Variants in PARP4 observed in about 807,000 individuals in gnomAD.
PARP4 encodes protein mono-ADP-ribosyltransferase PARP4.
In PARP4, 120 loss-of-function variants were observed where a neutral mutation model predicts 187.7. The ratio of observed to expected loss-of-function variants is 0.64; its 90% CI spans 0.55 to 0.74. PARP4 has a LOEUF of 0.74. Ranked by LOEUF, PARP4 falls within the 30% of genes least tolerant of loss-of-function variation. The pLI, the probability that PARP4 is intolerant of heterozygous loss-of-function variation, is 0.00. For missense variants in PARP4, 1,836 were observed against 2,070.5 expected (o/e 0.89, Z 2.20); for synonymous variants, 654 against 740.9 (o/e 0.88, Z 1.90).
rs542362054 is a variant in PARP4 at position 24,492,526 on chromosome 13, T to C, written c.948A>G (p.Gln316=). The C allele has an allele frequency of 1.7e-5, 27 of 1,613,872 alleles. No homozygotes were observed. Among genetic ancestry groups the C allele is most frequent in the Middle Eastern group, 1.6e-4 (1 of 6,062 alleles). Residue 316 remains glutamine, a synonymous_variant, in exon 9 of 34, where the codon CAA becomes CAG. Transcript: ENST00000381989. ...AALKNGETAE[Q]LQKMMTEFYR... is the part of the protein sequence containing the mutation. ...AAAACTCTGTCATCATCTTTTGCAATTGCTCTGCTGTTTCTCCATTTTTCA... is the reference window on the plus strand; with the variant it reads ...AAAACTCTGTCATCATCTTTTGCAACTGCTCTGCTGTTTCTCCATTTTTCA...
chr13:24,430,236 C>G (rs1870266205), intron 32 of PARP4, among the ~76,000 whole-genome samples: 1 of 152,124 alleles, frequency 6.6e-6, no homozygotes, highest in Non-Finnish European at 1.5e-5. Context: ...ATTTGCCCAC[C>G]CACCCAGCCT....
At chr13:24,446,145 T>C (rs1480498268) in intron 27 of PARP4, among the ~76,000 whole-genome samples, 3 of 152,228 alleles carry the variant, frequency 2.0e-5, no homozygotes, top group Non-Finnish European at 4.4e-5. Flanking sequence ...AGTAGGCCAG[T>C]GGCATGTACC....
At chr13:24,510,477 C>G (rs987387451) in intron 1 of PARP4, among the ~76,000 whole-genome samples, 1 of 142,496 alleles carries the variant, frequency 7.0e-6, no homozygotes, top group Non-Finnish European at 1.5e-5. Context: ...TGGCGTGAAC[C>G]CGGGAGGCGG....
At chr13:24,489,848 G>C (rs1593643090) in intron 10 of PARP4, among the ~76,000 whole-genome samples, 2 of 152,140 alleles carry the variant, frequency 1.3e-5, no homozygotes, top group African/African-American at 4.8e-5. Context: ...AGCATTTGCT[G>C]ATTTCCATGG....
chr13:24,465,845 C>A lies in PARP4; in HGVS notation c.2133+3179G>T, dbSNP rs77676941. ...ATAATATATGAAGAAATAAAACACA[C>A]GACAACAATATCACAAAGGATATGG... On this transcript the variant is annotated intron_variant, in intron 17 of 33. Coordinates refer to ENST00000381989, the MANE Select transcript of PARP4 (RefSeq NM_006437.4). 9.4e-4 allele frequency among the ~76,000 whole-genome samples: 143 copies of A among 151,698 alleles called. 1 individual carries two copies. Among genetic ancestry groups the A allele is most frequent in the African/African-American group, 3.4e-3 (142 of 41,378 alleles).
chr13:24,425,909 C>T (rs1162219484), intron 33 of PARP4, among the ~76,000 whole-genome samples: 4 of 152,028 alleles, frequency 2.6e-5, no homozygotes, highest in South Asian at 4.2e-4. Flanking sequence ...TGCAGGCAAA[C>T]CCTCTTAGGG....
intron 30 of PARP4, among the ~76,000 whole-genome samples, chr13:24,436,842 G>C (rs1013135313): frequency 6.6e-6 from 1 of 152,094 alleles, no homozygotes; most frequent in Admixed American, 6.6e-5. Context: ...TTTAAAAAAG[G>C]AGTAGTCCTT....
In PARP4 at chr13:24,452,602, A is replaced by G. The variant is rs750330972; in HGVS notation, c.2827-9T>C. 6.2e-7 allele frequency: 1 copy of G among 1,605,242 alleles called. No individual in the cohort carries two copies. Among genetic ancestry groups the G allele is most frequent in the Non-Finnish European group, 8.5e-7 (1 of 1,174,814 alleles). On this transcript the variant is annotated splice_polypyrimidine_tract_variant and intron_variant, in intron 23 of 33. Coordinates refer to ENST00000381989, the MANE Select transcript of PARP4 (RefSeq NM_006437.4). ...ATGGTAGGTGTGGCAGACTGGAGGA[A>G]ATGAAGTGAAAGATTATGTTCTCCT...
intron 1 of PARP4, among the ~76,000 whole-genome samples, chr13:24,511,224 T>A (rs547209864): frequency 6.6e-6 from 1 of 152,286 alleles, no homozygotes; most frequent in African/African-American, 2.4e-5. Context: ...CACAGATTCA[T>A]CTCTAGTCTC....
At chr13:24,476,337 A>C (rs1872985147) in intron 14 of PARP4, among the ~76,000 whole-genome samples, 2 of 152,150 alleles carry the variant, frequency 1.3e-5, no homozygotes, top group South Asian at 4.1e-4. Flanking sequence ...ATACATTTAA[A>C]CATACACACA....
rs1870527967 is a variant in PARP4, at chr13:24,434,791, A to G, written c.4350T>C (p.Gly1450=). ...AAGCAGAGGGATGATAAGACCCAAA[A>G]CCTCTGATGGGATCAGGGTCTGTAG... The part of the protein sequence containing the change: ...SLPTDPDPIR[G]FGSYHPSASS... Residue 1450 remains glycine (G), a synonymous_variant, in exon 31 of 34, where the codon GGT becomes GGC. Transcript: ENST00000381989. The G allele has an allele frequency of 6.2e-7, 1 of 1,612,202 alleles. No homozygotes were observed. The highest frequency in any genetic ancestry group is 1.1e-5 in the South Asian group (1 of 90,926).
chr13:24,457,745 T>C (rs1421612730), intron 20 of PARP4, among the ~76,000 whole-genome samples: 32 of 121,370 alleles, frequency 2.6e-4, no homozygotes, highest in South Asian at 1.2e-3. Flanking sequence ...CACTCCAACC[T>C]GGGAAACAGA....
intron 12 of PARP4, among the ~76,000 whole-genome samples, chr13:24,480,376 G>A (rs542283459): frequency 5.3e-5 from 8 of 152,180 alleles, no homozygotes; most frequent in Admixed American, 1.3e-4. Context: ...ACCCTACAGC[G>A]GCCTCTAAGT....
intron 22 of PARP4, 88 bp from the exon 23 acceptor site, chr13:24,453,742 C>T (rs570289971): frequency 5.7e-5 from 44 of 771,476 alleles, no homozygotes; most frequent in East Asian, 1.5e-4. Flanking sequence ...CATACCATCA[C>T]GGCTGTTGTA....
At chr13:24,478,489 G>C (rs1300587398) in intron 12 of PARP4, among the ~76,000 whole-genome samples, 2 of 151,984 alleles carry the variant, frequency 1.3e-5, no homozygotes, top group African/African-American at 4.8e-5. Context: ...AGGCTAGGGT[G>C]CAGTGGCATG....
At chr13:24,429,069 A>C (rs962401693) in intron 32 of PARP4, among the ~76,000 whole-genome samples, 2 of 152,124 alleles carry the variant, frequency 1.3e-5, no homozygotes, top group African/African-American at 2.4e-5. Flanking sequence ...TTGTCAATCG[A>C]ATTAAATGAT....
intron 12 of PARP4, among the ~76,000 whole-genome samples, chr13:24,481,836 C>T (rs1391638580): frequency 6.6e-6 from 1 of 152,186 alleles, no homozygotes; most frequent in East Asian, 1.9e-4. Context: ...TGTACTCTCA[C>T]CTGGGCAATA....
intron 30 of PARP4, among the ~76,000 whole-genome samples, chr13:24,441,282 G>C (rs1870912795): frequency 1.3e-5 from 2 of 152,198 alleles, no homozygotes; most frequent in Admixed American, 1.3e-4. Flanking sequence ...GGGATTACAG[G>C]CGTGAACCAC....
intron 16 of PARP4, 86 bp downstream of exon 16, chr13:24,469,808 C>T (rs1872652997): frequency 7.1e-7 from 1 of 1,410,418 alleles, no homozygotes; most frequent in African/African-American, 1.4e-5. Flanking sequence ...ACCTTGTAGC[C>T]ATGGGGACTC....
Sources: allele counts gnomAD v4.1 joint callset (sites outside exome capture counted in the v4.1 genomes callset), GRCh38; gene constraint gnomAD v4.1.1; transcripts MANE v1.5; gene names NCBI Gene and HGNC (gene_info 2026-07-23, HGNC 2026-07-21).